Variants in CD36 observed in about 807,000 individuals in gnomAD.
CD36 encodes the protein platelet glycoprotein 4.
CD36 carries 119 observed loss-of-function variants against 55.2 expected under a neutral mutation model. That is an observed-to-expected ratio of 2.15 (90% CI 1.86 to 2.51). The LOEUF is 2.51. CD36 is among the 30% of genes most tolerant of loss of function. The pLI is 0.00. For synonymous variants in CD36, 186 were observed against 193.6 expected (o/e 0.96, Z 0.33); for missense variants, 819 against 555.5 (o/e 1.47, Z -4.77).
In CD36 at chr7:80,676,556, G is replaced by A. The variant is rs1024508285; in HGVS notation, c.*173G>A. The A allele has an allele frequency of 6.6e-6, 1 of 152,152 alleles. No homozygotes were observed. Among genetic ancestry groups the A allele is most frequent in the Non-Finnish European group, 1.5e-5 (1 of 68,046 alleles). The allele number at this position is 152,152 out of a possible 1,614,324, so 9.4% of individuals were successfully genotyped here. A position where few individuals can be genotyped will look rare whatever the true frequency, so the allele number is the denominator to read the frequency against. The stretch of plus-strand genomic sequence containing the variant: ...GTAGCTGCCCTATTCAACTGCAACA[G>A]TCTCCAGGACCATCAGTATACTGCA... On this transcript the variant is annotated 3_prime_UTR_variant, in exon 15 of 15. Coordinates refer to ENST00000447544, the MANE Select transcript of CD36 (RefSeq NM_001001548.3).
chr7:80,643,992 A>T (rs3212160), intron 1 of CD36, among the ~76,000 whole-genome samples: 1 of 151,958 alleles, frequency 6.6e-6, no homozygotes, highest in Non-Finnish European at 1.5e-5. Flanking sequence ...TCTCATTATC[A>T]GTTCACAACA....
At chr7:80,629,949 C>T (rs1296654528) in intron 1 of CD36, among the ~76,000 whole-genome samples, 1 of 150,710 alleles carries the variant, frequency 6.6e-6, no homozygotes, top group African/African-American at 2.4e-5. Context: ...AATTAATTTG[C>T]ATCAAAAGAC....
intron 7 of CD36, among the ~76,000 whole-genome samples, chr7:80,665,539 C>T (rs913857424): frequency 6.9e-6 from 1 of 145,800 alleles, no homozygotes; most frequent in Admixed American, 6.9e-5. Context: ...AAAAACACTT[C>T]TAAGTATTCA....
intron 1 of CD36, among the ~76,000 whole-genome samples, chr7:80,629,882 T>A (rs949550257): frequency 7.5e-6 from 1 of 132,544 alleles, no homozygotes; most frequent in East Asian, 2.1e-4. Context: ...TGGAGACTGA[T>A]AAATTCAATA....
At chr7:80,635,351 G>A (rs1250665859), upstream of CD36, among the ~76,000 whole-genome samples, 1 of 152,002 alleles carries the variant, frequency 6.6e-6, no homozygotes, top group Non-Finnish European at 1.5e-5. Flanking sequence ...TTAGCTCACT[G>A]CAAACCTCCG....
intron 12 of CD36, chr7:80,673,069 G>A: frequency 1.9e-6 from 1 of 539,330 alleles, no homozygotes. Flanking sequence ...TATTTTGTTA[G>A]CTGCCCAAAT....
At chr7:80,607,827 G>A (rs116228695) in intron 1 of CD36, among the ~76,000 whole-genome samples, 6 of 151,952 alleles carry the variant, frequency 3.9e-5, no homozygotes, top group Non-Finnish European at 8.8e-5. Flanking sequence ...GCTGGAGTAC[G>A]GTGGTGCAAT....
At chr7:80,611,812 A>T (rs1242578595) in intron 1 of CD36, among the ~76,000 whole-genome samples, 1 of 152,206 alleles carries the variant, frequency 6.6e-6, no homozygotes, top group Non-Finnish European at 1.5e-5. Context: ...CTGAAGCTAA[A>T]GCTGTAATTG....
intron 3 of CD36, among the ~76,000 whole-genome samples, chr7:80,650,360 C>A (rs1327191737): frequency 6.6e-6 from 1 of 152,052 alleles, no homozygotes; most frequent in Non-Finnish European, 1.5e-5. Context: ...TAGACTGTTT[C>A]TTTTTTCTTC....
intron 1 of CD36, among the ~76,000 whole-genome samples, chr7:80,627,365 GAATT>G (rs1300955844): frequency 2.0e-5 from 3 of 151,834 alleles, no homozygotes; most frequent in Non-Finnish European, 2.9e-5. Flanking sequence ...TATTTTCTTG[GAATT>G]AATTCTCATT....
At chr7:80,675,123 T>TCACTTCTACCACTATTTAGTCACCAAAA (rs1798106663) in intron 14 of CD36, among the ~76,000 whole-genome samples, 1 of 152,164 alleles carries the variant, frequency 6.6e-6, no homozygotes, top group Non-Finnish European at 1.5e-5. Flanking sequence ...TTGGTTCTAA[T>TCACTTCTACCACTATTTAGTCACCAAAA]CACTTCTACC....
chr7:80,614,922 A>T (rs1363571128), intron 1 of CD36, among the ~76,000 whole-genome samples: 1 of 151,794 alleles, frequency 6.6e-6, no homozygotes, highest in Non-Finnish European at 1.5e-5. Flanking sequence ...ATAGGGGCGT[A>T]TCCAGTTTTC....
chr7:80,663,854 A>G (rs1796757314), intron 6 of CD36, among the ~76,000 whole-genome samples: 1 of 152,106 alleles, frequency 6.6e-6, no homozygotes, highest in African/African-American at 2.4e-5. Context: ...TCATTGTTTT[A>G]CTTTTAGATA....
rs770470903 is a variant in CD36, at chr7:80,672,853, T to C, written c.1199+10T>C. ...CATCAGAAAAAATTCAGTGAGTCTC[T>C]TGAAAATGGTTATTTTGATATGATC... is the stretch of plus-strand genomic sequence containing the variant. On this transcript the variant is annotated intron_variant, in intron 12 of 14. Transcript: ENST00000447544. 23 of 1,580,590 alleles carry C rather than the reference T, an allele frequency of 1.5e-5. No homozygotes were observed. The East Asian group carries it at 5.2e-4, about 36-fold the overall frequency.
intron 6 of CD36, among the ~76,000 whole-genome samples, chr7:80,663,399 G>T (rs555248918): frequency 6.6e-6 from 1 of 151,912 alleles, no homozygotes; most frequent in African/African-American, 2.4e-5. Context: ...ATTTAATAAG[G>T]TTTCTACTCA....
intron 8 of CD36, among the ~76,000 whole-genome samples, chr7:80,668,783 G>C (rs1797368505): frequency 6.6e-6 from 1 of 152,132 alleles, no homozygotes; most frequent in Non-Finnish European, 1.5e-5. Context: ...TCACAAGGTT[G>C]ACACACTTGC....
chr7:80,653,907 T>G (rs1039841803), intron 3 of CD36, among the ~76,000 whole-genome samples: 1 of 152,120 alleles, frequency 6.6e-6, no homozygotes, highest in Non-Finnish European at 1.5e-5. Flanking sequence ...TATATAAAAT[T>G]GAAGTGAAAG....
In CD36 at chr7:80,646,719, AT is replaced by A; in HGVS notation, c.-20del. 1 of 1,613,714 alleles carries A rather than the reference AT, an allele frequency of 6.2e-7. No homozygotes were observed. Among genetic ancestry groups the A allele is most frequent in the Non-Finnish European group, 8.5e-7 (1 of 1,179,784 alleles). On this transcript the variant is annotated 5_prime_UTR_variant, in exon 3 of 15. Transcript: ENST00000447544. ...TGCAAGAAACAGGTGCTTAACACTA[AT>A]TCACCTCCTGAACAAGAAAAATGGG...
intron 14 of CD36, chr7:80,674,445 A>C: frequency 2.9e-6 from 1 of 340,362 alleles, no homozygotes; most frequent in South Asian, 3.0e-5. Flanking sequence ...TCTCAATTAT[A>C]TAGCTAGTTA....
Sources: gnomAD v4.1 joint callset for allele counts (sites outside exome capture counted in the v4.1 genomes callset) on GRCh38, gnomAD v4.1.1 for gene constraint, MANE v1.5 for transcripts, NCBI Gene and HGNC (gene_info 2026-07-23, HGNC 2026-07-21) for gene names.